DPPA2: variants seen among roughly 807,000 people sequenced by gnomAD.
DPPA2 encodes developmental pluripotency associated 2.
A neutral mutation model predicts 36.2 loss-of-function variants in DPPA2; 26 were observed. The ratio of observed to expected loss-of-function variants is 0.72; its 90% CI spans 0.53 to 1.00. The LOEUF is 1.00. Ranked by LOEUF, DPPA2 falls within the 50% of genes least tolerant of loss-of-function variation. DPPA2 has a pLI of 0.00. For synonymous variants in DPPA2, 113 were observed against 123.2 expected, an observed-to-expected ratio of 0.92 and a Z score of 0.55; for missense variants, 361 against 365.1, an observed-to-expected ratio of 0.99 and a Z score of 0.09.
chr3:109,312,626 C>A lies in DPPA2; in HGVS notation c.100G>T (p.Asp34Tyr). ...VILTLVPVKD[D>Y]ANMEQMEPSV... is the part of the protein sequence containing the mutation. Reference sequence around the variant, plus strand: ...GGTTCCATTTGTTCCATATTTGCGTCATCTTTAACTGGCACCAGTGTCAAA... The same window carrying A: ...GGTTCCATTTGTTCCATATTTGCGTAATCTTTAACTGGCACCAGTGTCAAA... The change falls in exon 3 of 9, where the codon GAC becomes TAC. Residue 34 changes from aspartate (D) to tyrosine (Y), a missense_variant. By Grantham distance (160) the Asp-to-Tyr change is radical. Transcript: ENST00000478945. 1 of 1,613,906 alleles carries A rather than the reference C, an allele frequency of 6.2e-7. No homozygotes were observed. Among genetic ancestry groups the A allele is most frequent in the Non-Finnish European group, 8.5e-7 (1 of 1,179,868 alleles).
At chr3:109,299,207 A>AGG (rs1707413113) in intron 8 of DPPA2, among the ~76,000 whole-genome samples, 1 of 143,894 alleles carries the variant, frequency 6.9e-6, no homozygotes, top group African/African-American at 2.5e-5. Context: ...AACATACCAA[A>AGG]AAAAAAAAAA....
chr3:109,316,128 A>T (rs1576826848), intron 1 of DPPA2, among the ~76,000 whole-genome samples, 156 bp downstream of exon 1: 2 of 151,920 alleles, frequency 1.3e-5, no homozygotes, highest in African/African-American at 4.8e-5. Context: ...GCGCGATCAT[A>T]GCTCACTGCA....
chr3:109,294,473 A>G (rs143483702), intron 8 of DPPA2, among the ~76,000 whole-genome samples: 9 of 152,324 alleles, frequency 5.9e-5, no homozygotes, highest in Non-Finnish European at 4.4e-5. Context: ...CTACTGGACA[A>G]CTGTGCCATT....
chr3:109,303,411 C>T (rs1301570270), intron 7 of DPPA2, among the ~76,000 whole-genome samples: 1 of 149,802 alleles, frequency 6.7e-6, no homozygotes, highest in Admixed American at 6.6e-5. Context: ...ACTCTTGTTG[C>T]CCAGGCTGGA....
chr3:109,314,687 C>A, intron 1 of DPPA2, 132 bp from the exon 2 acceptor site: 2 of 747,390 alleles, frequency 2.7e-6, no homozygotes, highest in Non-Finnish European at 4.1e-6. Context: ...CTTTCCTCCT[C>A]TTTTTGCCCT....
chr3:109,298,915 G>A (rs1321879243), intron 8 of DPPA2, among the ~76,000 whole-genome samples: 1 of 152,022 alleles, frequency 6.6e-6, no homozygotes, highest in Non-Finnish European at 1.5e-5. Flanking sequence ...GCATTATGGT[G>A]TGTGTCTGTA....
chr3:109,297,192 G>T lies in DPPA2; in HGVS notation c.*22+3179C>A, dbSNP rs1341554073. On this transcript the variant is annotated intron_variant, in intron 8 of 8. Coordinates refer to ENST00000478945, the MANE Select transcript of DPPA2 (RefSeq NM_138815.4). Reference sequence around the variant, plus strand: ...ATGAGAAATAAACATATAAAAAGATGCTCTACTTCATATCATTAAGGAATT... The same window carrying T: ...ATGAGAAATAAACATATAAAAAGATTCTCTACTTCATATCATTAAGGAATT... 2.6e-5 allele frequency among the ~76,000 whole-genome samples: 4 copies of T among 152,150 alleles called. No homozygotes were observed. In the East Asian group the frequency reaches 7.7e-4, roughly 29 times the overall value.
intron 3 of DPPA2, among the ~76,000 whole-genome samples, chr3:109,312,152 G>A (rs1156332287): frequency 6.6e-6 from 1 of 152,082 alleles, no homozygotes; most frequent in Admixed American, 6.6e-5. Flanking sequence ...TGGCCAACAT[G>A]GTGAAAGCCC....
At chr3:109,305,443 G>A (rs1707540018) in intron 6 of DPPA2, among the ~76,000 whole-genome samples, 1 of 152,062 alleles carries the variant, frequency 6.6e-6, no homozygotes, top group African/African-American at 2.4e-5. Flanking sequence ...ACATTGTACT[G>A]CCTCAGCTAT....
rs1386376176 is a variant in DPPA2 at position 109,314,558 on chromosome 3, G to A, written c.-13-3C>T. ...CATCTGACATTTTCAGCAACACCCT[G>A]GGGAAGGCAAGGACAGCAATGTTAA... On this transcript the variant is annotated splice_region_variant and splice_polypyrimidine_tract_variant and intron_variant, in intron 1 of 8. Coordinates refer to ENST00000478945, the MANE Select transcript of DPPA2 (RefSeq NM_138815.4). 1.9e-6 allele frequency: 3 copies of A among 1,608,420 alleles called. No individual in the cohort carries two copies. In the South Asian group the frequency reaches 3.3e-5, roughly 18 times the overall value.
At chr3:109,310,641 G>A (rs1199439403) in intron 3 of DPPA2, among the ~76,000 whole-genome samples, 2 of 151,434 alleles carry the variant, frequency 1.3e-5, no homozygotes, top group Admixed American at 6.6e-5. Context: ...GAGTAGGTGG[G>A]ACTACAGGCA....
rs755577206 is a variant in DPPA2, at chr3:109,308,033, A to G, written c.657T>C (p.Ser219=). ...VSVEAFLMQA[S]GVRWCVVHGR... The stretch of plus-strand genomic sequence containing the variant: ...CTCACACTTTAAGGTTGATCTTACC[A>G]GAGGCTTGCATCAAAAAGGCCTCAA... The change falls in exon 6 of 9, where the codon TCT becomes TCC. Residue 219 remains serine (S), a splice_region_variant and synonymous_variant. Transcript: ENST00000478945. The G allele has an allele frequency of 2.0e-5, 32 of 1,613,836 alleles. No homozygotes were observed. The South Asian group carries it at 2.2e-4, about 11-fold the overall frequency.
rs528990525 is a variant in DPPA2 at position 109,310,834 on chromosome 3, C to G, written c.182-1504G>C. Among the ~76,000 whole-genome samples, 11 of 151,784 alleles carry G rather than the reference C, an allele frequency of 7.2e-5. No homozygotes were observed. In the East Asian group the frequency reaches 2.1e-3, roughly 30 times the overall value. On this transcript the variant is annotated intron_variant, in intron 3 of 8. Transcript: ENST00000478945. ...TGTTTTGTTTTGAGACAGGGTCTTGCTCTGTCACCTAGGCTGGAGTGCAGT... is the reference window on the plus strand; with the variant it reads ...TGTTTTGTTTTGAGACAGGGTCTTGGTCTGTCACCTAGGCTGGAGTGCAGT...
At chr3:109,313,575 T>C (rs534668520) in intron 2 of DPPA2, among the ~76,000 whole-genome samples, 1 of 152,352 alleles carries the variant, frequency 6.6e-6, no homozygotes, top group Admixed American at 6.5e-5. Flanking sequence ...ATACTTGTAG[T>C]AATTTATTAA....
At chr3:109,312,873 GA>G (rs1461996741) in intron 2 of DPPA2, among the ~76,000 whole-genome samples, 181 bp from the exon 3 acceptor site, 1 of 152,138 alleles carries the variant, frequency 6.6e-6, no homozygotes, top group African/African-American at 2.4e-5. Context: ...AGGAAACATG[GA>G]AAAAAACGGG....
At chr3:109,294,172 A>G (rs1707311697) in intron 8 of DPPA2, among the ~76,000 whole-genome samples, 168 bp from the exon 9 acceptor site, 1 of 152,224 alleles carries the variant, frequency 6.6e-6, no homozygotes, top group Admixed American at 6.5e-5. Flanking sequence ...ACAATAGTGT[A>G]TAGTCAGAAT....
rs1216713103 is a variant in DPPA2 at position 109,308,010 on chromosome 3, C to T, written c.658+22G>A. The T allele has an allele frequency of 5.0e-6, 8 of 1,607,924 alleles. No individual in the cohort carries two copies. The African/African-American group carries it at 8.0e-5, about 16-fold the overall frequency. On this transcript the variant is annotated intron_variant, in intron 6 of 8. Transcript: ENST00000478945. ...TAACCTTGTCCTCTGGAGTGGGACTCACACTTTAAGGTTGATCTTACCAGA... is the reference window on the plus strand; with the variant it reads ...TAACCTTGTCCTCTGGAGTGGGACTTACACTTTAAGGTTGATCTTACCAGA...
At chr3:109,312,799 T>G in intron 2 of DPPA2, 107 bp from the exon 3 acceptor site, 1 of 1,323,714 alleles carries the variant, frequency 7.6e-7, no homozygotes, top group South Asian at 1.5e-5. Flanking sequence ...AGTAGGTGGA[T>G]GGAGAAAAGA....
chr3:109,300,560 G>A (rs1326804124), intron 7 of DPPA2, 125 bp from the exon 8 acceptor site: 14 of 899,180 alleles, frequency 1.6e-5, no homozygotes, highest in South Asian at 5.8e-5. Context: ...GGTGGCTCAC[G>A]CCTGTAATCC....
Sources: allele counts gnomAD v4.1 joint callset (sites outside exome capture counted in the v4.1 genomes callset), GRCh38; gene constraint gnomAD v4.1.1; transcripts MANE v1.5; gene names NCBI Gene and HGNC (gene_info 2026-07-23, HGNC 2026-07-21).